BCKDHB: variants seen among roughly 807,000 people sequenced by gnomAD.
The protein encoded by BCKDHB is branched chain keto acid dehydrogenase E1 subunit beta, also known as 2-oxoisovalerate dehydrogenase subunit beta, mitochondrial.
In BCKDHB, 41 loss-of-function variants were observed where a neutral mutation model predicts 48.5. That is an observed-to-expected ratio of 0.85 (90% CI 0.66 to 1.10). The LOEUF is 1.10. Ranked by LOEUF, BCKDHB falls within the 50% of genes least tolerant of loss-of-function variation. The pLI is 0.00. For synonymous variants in BCKDHB, 201 were observed against 174.8 expected, an observed-to-expected ratio of 1.15 and a Z score of -1.18; for missense variants, 496 against 494.2, an observed-to-expected ratio of 1.00 and a Z score of -0.03.
the BCKDHB span, among the ~76,000 whole-genome samples, chr6:80,375,269 T>G: frequency 6.6e-6 from 1 of 152,210 alleles, no homozygotes. Context: ...ATTTCTCTTC[T>G]TCCTTGGGAA....
chr6:80,261,457 C>T (rs1455898590), intron 8 of BCKDHB, among the ~76,000 whole-genome samples: 1 of 151,816 alleles, frequency 6.6e-6, no homozygotes, highest in Non-Finnish European at 1.5e-5. Context: ...GCTTCTTGTC[C>T]CTGTATTTTT....
chr6:80,211,658 T>G (rs1774938114), intron 8 of BCKDHB, among the ~76,000 whole-genome samples: 1 of 152,172 alleles, frequency 6.6e-6, no homozygotes, highest in Non-Finnish European at 1.5e-5. Flanking sequence ...CATCCACCCT[T>G]TAGAAAATGT....
the BCKDHB span, among the ~76,000 whole-genome samples, chr6:80,370,524 A>G: frequency 1.2e-4 from 19 of 152,152 alleles, no homozygotes; most frequent in African/African-American, 4.1e-4. Context: ...ACTGTACCCA[A>G]TGTGTAGTCT....
the BCKDHB span, among the ~76,000 whole-genome samples, chr6:80,359,145 T>C: frequency 6.6e-6 from 1 of 152,234 alleles, no homozygotes; most frequent in African/African-American, 2.4e-5. Flanking sequence ...TTTTGTTCCT[T>C]GCGCATCATT....
At chr6:80,142,424 G>A (rs368658200) in intron 3 of BCKDHB, among the ~76,000 whole-genome samples, 2 of 152,068 alleles carry the variant, frequency 1.3e-5, no homozygotes, top group African/African-American at 2.4e-5. Context: ...TGACCCATAC[G>A]TAAAGGTAGA....
chr6:80,277,212 A>G (rs1778001386), intron 9 of BCKDHB, among the ~76,000 whole-genome samples: 1 of 152,064 alleles, frequency 6.6e-6, no homozygotes, highest in South Asian at 2.1e-4. Context: ...TTTATTGTGT[A>G]TTTTAAGCAA....
At chr6:80,130,733 C>T (rs1770585786) in intron 3 of BCKDHB, among the ~76,000 whole-genome samples, 3 of 152,134 alleles carry the variant, frequency 2.0e-5, no homozygotes, top group African/African-American at 4.8e-5. Context: ...CTCATGTTTT[C>T]AGAGATAACT....
intron 8 of BCKDHB, among the ~76,000 whole-genome samples, chr6:80,247,739 G>A (rs1031193361): frequency 7.2e-5 from 11 of 152,192 alleles, no homozygotes; most frequent in Admixed American, 2.6e-4. Flanking sequence ...TGGTTCTTGA[G>A]GTGACCCCTG....
At chr6:80,366,563 A>G in the BCKDHB span, among the ~76,000 whole-genome samples, 1 of 152,182 alleles carries the variant, frequency 6.6e-6, no homozygotes, top group Non-Finnish European at 1.5e-5. Context: ...AGTGATTTAC[A>G]TAATATTTTC....
At chr6:80,386,132 A>G in the BCKDHB span, among the ~76,000 whole-genome samples, 1 of 152,182 alleles carries the variant, frequency 6.6e-6, no homozygotes, top group East Asian at 1.9e-4. Flanking sequence ...GCTGGAAGGG[A>G]CCAATGCCTT....
At chr6:80,150,316 C>A (rs187604433) in intron 3 of BCKDHB, among the ~76,000 whole-genome samples, 2 of 152,194 alleles carry the variant, frequency 1.3e-5, no homozygotes, top group African/African-American at 4.8e-5. Flanking sequence ...ATAATATTCA[C>A]CTTCTTGTCT....
At chr6:80,121,318 T>C (rs558296317) in intron 1 of BCKDHB, among the ~76,000 whole-genome samples, 41 of 152,356 alleles carry the variant, frequency 2.7e-4, no homozygotes, top group Non-Finnish European at 5.1e-4. Context: ...CTTTGTTCTT[T>C]TTGTTTAGGA....
chr6:80,449,338 T>G, the BCKDHB span, among the ~76,000 whole-genome samples: 1 of 152,216 alleles, frequency 6.6e-6, no homozygotes, highest in African/African-American at 2.4e-5. Flanking sequence ...TTAATACATT[T>G]GTGTTGAAAA....
At chr6:80,466,283 C>A in the BCKDHB span, among the ~76,000 whole-genome samples, 1 of 151,982 alleles carries the variant, frequency 6.6e-6, no homozygotes, top group Non-Finnish European at 1.5e-5. Context: ...CTTTCTATTT[C>A]TCTTATTTAC....
chr6:80,410,711 T>G, the BCKDHB span, among the ~76,000 whole-genome samples: 2 of 152,220 alleles, frequency 1.3e-5, no homozygotes, highest in Non-Finnish European at 2.9e-5. Flanking sequence ...ATCACTGATA[T>G]TCTTTCTTCC....
intron 8 of BCKDHB, among the ~76,000 whole-genome samples, chr6:80,232,209 G>C (rs1775954643): frequency 3.3e-5 from 5 of 151,602 alleles, no homozygotes; most frequent in South Asian, 4.2e-4. Flanking sequence ...CTCCTTTACT[G>C]GTAGACTGTC....
chr6:80,153,587 A>C (rs926382156), intron 3 of BCKDHB, among the ~76,000 whole-genome samples: 1 of 152,156 alleles, frequency 6.6e-6, no homozygotes, highest in Non-Finnish European at 1.5e-5. Flanking sequence ...GTGCCTCTCA[A>C]CTAACAACTA....
intron 9 of BCKDHB, among the ~76,000 whole-genome samples, chr6:80,312,396 C>T (rs1285735614): frequency 6.6e-6 from 1 of 152,128 alleles, no homozygotes; most frequent in Non-Finnish European, 1.5e-5. Context: ...CTTCCTCTCT[C>T]TTTATTTGAA....
intron 9 of BCKDHB, among the ~76,000 whole-genome samples, chr6:80,300,857 T>C (rs559019688): frequency 6.6e-6 from 1 of 152,202 alleles, no homozygotes; most frequent in East Asian, 1.9e-4. Context: ...CAAGAAGAGC[T>C]CTCAAAGCTA....
Sources: allele counts gnomAD v4.1 joint callset (sites outside exome capture counted in the v4.1 genomes callset), GRCh38; gene constraint gnomAD v4.1.1; transcripts MANE v1.5; gene names NCBI Gene and HGNC (gene_info 2026-07-23, HGNC 2026-07-21).